Variants in CRABP1 observed in about 807,000 individuals in gnomAD.
CRABP1 encodes the protein cellular retinoic acid-binding protein 1.
A neutral mutation model predicts 16.4 loss-of-function variants in CRABP1; 9 were observed. That is an observed-to-expected ratio of 0.55 (90% CI 0.33 to 0.96). The LOEUF (loss-of-function observed/expected upper bound fraction) is 0.96, where lower values mean the gene tolerates loss of function less well. Ranked by LOEUF, CRABP1 falls within the 40% of genes least tolerant of loss-of-function variation. The pLI is 0.03. For synonymous variants in CRABP1, 72 were observed against 70.4 expected (o/e 1.02, Z -0.11); for missense variants, 157 against 186.0 (o/e 0.84, Z 0.91).
At position 78,340,397 on chromosome 15, in the gene CRABP1, T is replaced by C. The variant is rs1216463992; in HGVS notation, c.-32T>C. 6.4e-6 allele frequency: 10 copies of C among 1,569,958 alleles called. No homozygotes were observed. In the East Asian group the frequency reaches 1.9e-4, roughly 29 times the overall value. On this transcript the variant is annotated 5_prime_UTR_variant, in exon 1 of 4. Coordinates refer to ENST00000299529, the MANE Select transcript of CRABP1 (RefSeq NM_004378.3). Reference sequence around the variant, plus strand: ...CAGAGTGTGCCCGCTGCGCCGCCGCTGTCCGTACCTGCCGCCGCCGCCACC... The same window carrying C: ...CAGAGTGTGCCCGCTGCGCCGCCGCCGTCCGTACCTGCCGCCGCCGCCACC...
chr15:78,342,208 C>T (rs1182469084), intron 2 of CRABP1, among the ~76,000 whole-genome samples: 3 of 151,978 alleles, frequency 2.0e-5, no homozygotes, highest in Non-Finnish European at 4.4e-5. Flanking sequence ...GAAATGATCT[C>T]CACGCTTGGA....
chr15:78,341,528 C>T lies in CRABP1; in HGVS notation c.249+307C>T, dbSNP rs12910273. ...GTGGCTTTTGCAGCGGTTTGCAGCG[C>T]CAAGCGCAGGCGGCGCAGGAGGAGG... is the stretch of plus-strand genomic sequence containing the variant. On this transcript the variant is annotated intron_variant, in intron 2 of 3. Transcript: ENST00000299529. This position sits in a 1 kb window ranked among gnomAD's most constrained non-coding sequence, Gnocchi z 5.3. 0.59 allele frequency: 213,285 copies of T among 359,522 alleles called. 65,655 individuals are homozygous for T. Among genetic ancestry groups the T allele is most frequent in the Non-Finnish European group, 0.66 (123,573 of 187,168 alleles). 22.3% of individuals were successfully genotyped at this position (359,522 alleles called of 1,614,324 possible). A position where few individuals can be genotyped will look rare whatever the true frequency, so the allele number is the denominator to read the frequency against.
In CRABP1 at chr15:78,343,519, T is replaced by C. The variant is rs755130945; in HGVS notation, c.270T>C (p.Asn90=). Residue 90 remains asparagine (N), a synonymous_variant, in exon 3 of 4, where the codon AAT becomes AAC. Coordinates refer to ENST00000299529, the MANE Select transcript of CRABP1 (RefSeq NM_004378.3). ...TGCAGAGTTTAGCCACTTGGGAGAA[T>C]GAGAACAAGATCCACTGCACGCAAA... is the stretch of plus-strand genomic sequence containing the variant. ...RKCRSLATWE[N]ENKIHCTQTL... is the part of the protein sequence containing the mutation. 2 of 1,614,060 alleles carry C rather than the reference T, an allele frequency of 1.2e-6. No individual in the cohort carries two copies. Among genetic ancestry groups the C allele is most frequent in the Admixed American group, 1.7e-5 (1 of 60,014 alleles).
chr15:78,343,386 C>G (rs1595955492), intron 2 of CRABP1, 113 bp from the exon 3 acceptor site: 2 of 807,070 alleles, frequency 2.5e-6, no homozygotes, highest in East Asian at 2.7e-5. Flanking sequence ...GGCCTGCTGA[C>G]AGGGACCATG....
At chr15:78,340,588 A>G in intron 1 of CRABP1, 90 bp downstream of exon 1, 1 of 1,458,176 alleles carries the variant, frequency 6.9e-7, no homozygotes, top group Non-Finnish European at 9.3e-7. Context: ...GAGGGGGTGG[A>G]AGTTGGGGAG....
At position 78,343,623 on chromosome 15, in the gene CRABP1, C is replaced by T; in HGVS notation, c.363+11C>T. ...GATGAACTTATCCTGGTAGGGAACCCTTGACCCTGAAATAATCCTGAAGTT... is the reference window on the plus strand; with the variant it reads ...GATGAACTTATCCTGGTAGGGAACCTTTGACCCTGAAATAATCCTGAAGTT... On this transcript the variant is annotated intron_variant, in intron 3 of 3. Coordinates refer to ENST00000299529, the MANE Select transcript of CRABP1 (RefSeq NM_004378.3). The T allele has an allele frequency of 6.2e-7, 1 of 1,611,350 alleles. No homozygotes were observed. The highest frequency in any genetic ancestry group is 8.5e-7 in the Non-Finnish European group (1 of 1,177,760).
Position 78,341,417 on chromosome 15 carries a change from A to C in CRABP1, c.249+196A>C. On this transcript the variant is annotated intron_variant, in intron 2 of 3. Transcript: ENST00000299529. This position sits in a 1 kb window ranked among gnomAD's most constrained non-coding sequence, Gnocchi z 5.3. Reference sequence around the variant, plus strand: ...CAAGACAAAGTATTACCTTCATTCCATCTCAACCCCATCCCTACGCTGCCT... The same window carrying C: ...CAAGACAAAGTATTACCTTCATTCCCTCTCAACCCCATCCCTACGCTGCCT... The C allele has an allele frequency of 1.6e-6, 1 of 641,392 alleles. No individual in the cohort carries two copies. Among genetic ancestry groups the C allele is most frequent in the East Asian group, 2.9e-5 (1 of 34,538 alleles). 39.7% of individuals were successfully genotyped at this position (641,392 alleles called of 1,614,324 possible). A position where few individuals can be genotyped will look rare whatever the true frequency, so the allele number is the denominator to read the frequency against.
At chr15:78,346,899 A>G (rs2050268568) in intron 3 of CRABP1, among the ~76,000 whole-genome samples, 1 of 152,170 alleles carries the variant, frequency 6.6e-6, no homozygotes, top group African/African-American at 2.4e-5. Flanking sequence ...CTGAAAGATA[A>G]GGACCTTCTG....
chr15:78,347,308 G>A (rs368542530), intron 3 of CRABP1, among the ~76,000 whole-genome samples: 1 of 152,198 alleles, frequency 6.6e-6, no homozygotes, highest in Admixed American at 6.5e-5. Flanking sequence ...GGCCACGAGA[G>A]GAAAACATTT....
intron 3 of CRABP1, among the ~76,000 whole-genome samples, chr15:78,345,690 T>C (rs1343701020): frequency 6.6e-6 from 1 of 152,162 alleles, no homozygotes; most frequent in Non-Finnish European, 1.5e-5. Context: ...GTTCTATCCC[T>C]GCATTCTTCC....
rs1483460042 is a variant in CRABP1 at position 78,340,394 on chromosome 15, C to G, written c.-35C>G. 5 of 1,566,748 alleles carry G rather than the reference C, an allele frequency of 3.2e-6. No homozygotes were observed. The highest frequency in any genetic ancestry group is 1.9e-5 in the Admixed American group (1 of 52,422). ...GCTCAGAGTGTGCCCGCTGCGCCGC[C>G]GCTGTCCGTACCTGCCGCCGCCGCC... On this transcript the variant is annotated 5_prime_UTR_variant, in exon 1 of 4. Coordinates refer to ENST00000299529, the MANE Select transcript of CRABP1 (RefSeq NM_004378.3).
At chr15:78,347,643 A>G (rs2050273869) in intron 3 of CRABP1, among the ~76,000 whole-genome samples, 1 of 152,208 alleles carries the variant, frequency 6.6e-6, no homozygotes, top group African/African-American at 2.4e-5. Flanking sequence ...GTTTAATTTT[A>G]AAACCAAAAC....
rs758499633 is a variant in CRABP1, at chr15:78,343,632, G to A, written c.363+20G>A. On this transcript the variant is annotated intron_variant, in intron 3 of 3. Transcript: ENST00000299529. Reference sequence around the variant, plus strand: ...ATCCTGGTAGGGAACCCTTGACCCTGAAATAATCCTGAAGTTCCCCCAGAG... The same window carrying A: ...ATCCTGGTAGGGAACCCTTGACCCTAAAATAATCCTGAAGTTCCCCCAGAG... 28 of 1,606,272 alleles carry A rather than the reference G, an allele frequency of 1.7e-5. No individual in the cohort carries two copies. Among genetic ancestry groups the A allele is most frequent in the Non-Finnish European group, 2.3e-5 (27 of 1,173,626 alleles).
At chr15:78,345,436 G>C (rs1345088169) in intron 3 of CRABP1, among the ~76,000 whole-genome samples, 1 of 152,150 alleles carries the variant, frequency 6.6e-6, no homozygotes, top group Non-Finnish European at 1.5e-5. Flanking sequence ...TGGGCTTGGG[G>C]GAGCAATTTG....
In CRABP1 at chr15:78,341,476, G is replaced by C; in HGVS notation, c.249+255G>C. On this transcript the variant is annotated intron_variant, in intron 2 of 3. Coordinates refer to ENST00000299529, the MANE Select transcript of CRABP1 (RefSeq NM_004378.3). This position sits in a 1 kb window ranked among gnomAD's most constrained non-coding sequence, Gnocchi z 5.3. Reference sequence around the variant, plus strand: ...GCTAACAGCCGCGCTTAAAGAGCGGGCTCTGGGTTGCGCCGCGTTCCCAGC... The same window carrying C: ...GCTAACAGCCGCGCTTAAAGAGCGGCCTCTGGGTTGCGCCGCGTTCCCAGC... 1 of 481,992 alleles carries C rather than the reference G, an allele frequency of 2.1e-6. No homozygotes were observed. The highest frequency in any genetic ancestry group is 3.8e-6 in the Non-Finnish European group (1 of 260,296). The allele number at this position is 481,992 out of a possible 1,614,324, so 29.9% of individuals were successfully genotyped here.
chr15:78,345,945 T>G (rs1047416082), intron 3 of CRABP1, among the ~76,000 whole-genome samples: 10 of 152,134 alleles, frequency 6.6e-5, no homozygotes, highest in African/African-American at 2.4e-4. Flanking sequence ...CTGAGTATAC[T>G]CCCACAAACC....
Position 78,340,703 on chromosome 15 carries a change from C to T in CRABP1, c.70+205C>T, listed in dbSNP as rs544224335. On this transcript the variant is annotated intron_variant, in intron 1 of 3. Coordinates refer to ENST00000299529, the MANE Select transcript of CRABP1 (RefSeq NM_004378.3). ...TCCCGGAACCCACGCGTTCAGCGAA[C>T]GTTTGCTGAATGTTTGGCGCCCTCC... 45 of 636,728 alleles carry T rather than the reference C, an allele frequency of 7.1e-5. No individual in the cohort carries two copies. The South Asian group carries it at 8.8e-4, about 12-fold the overall frequency. The allele number at this position is 636,728 out of a possible 1,614,324, so 39.4% of individuals were successfully genotyped here.
intron 1 of CRABP1, 158 bp from the exon 2 acceptor site, chr15:78,340,885 T>A (rs1341103763): frequency 1.3e-6 from 1 of 746,604 alleles, no homozygotes; most frequent in African/African-American, 1.8e-5. Flanking sequence ...ACCCTCTCTG[T>A]GCCTCAGTCT....
At position 78,341,278 on chromosome 15, in the gene CRABP1, A is replaced by G; in HGVS notation, c.249+57A>G. ...TGTCCCCGCTCGGTGCCCATGGCCC[A>G]CTGCTGCTGGAGGAACCTGTGTCTC... On this transcript the variant is annotated intron_variant, in intron 2 of 3. Transcript: ENST00000299529. The surrounding 1 kb of genome is among the most constrained non-coding windows in gnomAD (Gnocchi z 5.3). The G allele has an allele frequency of 6.4e-7, 1 of 1,560,108 alleles. No homozygotes were observed. Among genetic ancestry groups the G allele is most frequent in the African/African-American group, 1.4e-5 (1 of 73,778 alleles).
Sources: allele counts gnomAD v4.1 joint callset (sites outside exome capture counted in the v4.1 genomes callset), GRCh38; gene constraint gnomAD v4.1.1; non-coding constraint Gnocchi (gnomAD v3.1); transcripts MANE v1.5; gene names NCBI Gene and HGNC (gene_info 2026-07-23, HGNC 2026-07-21).